DLGAP1: variants seen among roughly 807,000 people sequenced by gnomAD.
DLGAP1 encodes disks large-associated protein 1.
A neutral mutation model predicts 90.8 loss-of-function variants in DLGAP1; 11 were observed. The ratio of observed to expected loss-of-function variants is 0.12; its 90% CI spans 0.08 to 0.20. The LOEUF (loss-of-function observed/expected upper bound fraction) is 0.20, where lower values mean the gene tolerates loss of function less well. Ranked by LOEUF, DLGAP1 falls within the 10% of genes least tolerant of loss-of-function variation. The pLI, the probability that DLGAP1 is intolerant of heterozygous loss-of-function variation, is 1.00. For missense variants in DLGAP1, 1,050 were observed against 1,333.8 expected, an observed-to-expected ratio of 0.79 and a Z score of 3.31; for synonymous variants, 558 against 540.7, an observed-to-expected ratio of 1.03 and a Z score of -0.44.
chr18:4,079,818 G>C (rs1370609278), intron 2 of DLGAP1, among the ~76,000 whole-genome samples: 1 of 152,022 alleles, frequency 6.6e-6, no homozygotes, highest in African/African-American at 2.4e-5. Flanking sequence ...TCTGGTGCTT[G>C]AGTTAAGGGG....
At chr18:3,716,290 T>G (rs528532199) in intron 7 of DLGAP1, among the ~76,000 whole-genome samples, 2 of 152,254 alleles carry the variant, frequency 1.3e-5, no homozygotes, top group African/African-American at 4.8e-5. Flanking sequence ...GGCTCATTCC[T>G]GTAATCCCAG....
Position 4,084,129 on chromosome 18 carries a change from T to C in DLGAP1, c.-159+67051A>G, listed in dbSNP as rs2075650143. 6.6e-6 allele frequency among the ~76,000 whole-genome samples: 1 copy of C among 152,160 alleles called. No homozygotes were observed. Among genetic ancestry groups the C allele is most frequent in the Non-Finnish European group, 1.5e-5 (1 of 68,026 alleles). On this transcript the variant is annotated intron_variant, in intron 2 of 12. Transcript: ENST00000315677. The surrounding 1 kb of genome is among the most constrained non-coding windows in gnomAD (Gnocchi z 4.0). ...CCCAAACTCCTCAAAAAGATGGACTTGAGGTTTCCTCCCATCTCCTGTTTG... is the reference window on the plus strand; with the variant it reads ...CCCAAACTCCTCAAAAAGATGGACTCGAGGTTTCCTCCCATCTCCTGTTTG...
chr18:3,931,165 C>T (rs181226251), intron 3 of DLGAP1, among the ~76,000 whole-genome samples: 34 of 152,310 alleles, frequency 2.2e-4, no homozygotes, highest in African/African-American at 8.2e-4. Flanking sequence ...GCTGCCTGGG[C>T]TCCCTTCAGC....
intron 1 of DLGAP1, among the ~76,000 whole-genome samples, chr18:4,394,885 C>A (rs2082408414): frequency 6.6e-6 from 1 of 152,156 alleles, no homozygotes; most frequent in African/African-American, 2.4e-5. Context: ...TCAGCCTGCA[C>A]AAGTGAACAT....
chr18:4,115,063 A>T (rs1192502353), intron 2 of DLGAP1, among the ~76,000 whole-genome samples: 1 of 151,898 alleles, frequency 6.6e-6, no homozygotes, highest in Non-Finnish European at 1.5e-5. Flanking sequence ...TGTTAAGCAA[A>T]TATTTTCTAG....
intron 4 of DLGAP1, among the ~76,000 whole-genome samples, chr18:3,827,337 A>G (rs1306949662): frequency 6.6e-6 from 1 of 152,224 alleles, no homozygotes; most frequent in African/African-American, 2.4e-5. Context: ...CAAACTAGGC[A>G]GGCTTAAAAC....
intron 7 of DLGAP1, among the ~76,000 whole-genome samples, chr18:3,583,187 T>C (rs1196075588): frequency 2.4e-4 from 30 of 124,132 alleles, no homozygotes; most frequent in East Asian, 1.8e-3. Context: ...CCTACCTACC[T>C]TCCTTCCTTC....
intron 5 of DLGAP1, among the ~76,000 whole-genome samples, chr18:3,793,598 C>T (rs906152187): frequency 6.6e-6 from 1 of 152,144 alleles, no homozygotes; most frequent in Non-Finnish European, 1.5e-5. Context: ...GAGTACAACT[C>T]GAAGTGCTCC....
At chr18:3,924,726 TC>T (rs1322035203) in intron 3 of DLGAP1, among the ~76,000 whole-genome samples, 2 of 152,190 alleles carry the variant, frequency 1.3e-5, no homozygotes, top group Non-Finnish European at 2.9e-5. Context: ...AGTTACTTTT[TC>T]CAAGGAACTG....
intron 1 of DLGAP1, among the ~76,000 whole-genome samples, chr18:4,235,807 C>G (rs891147657): frequency 7.2e-6 from 1 of 138,404 alleles, no homozygotes; most frequent in East Asian, 2.5e-4. Context: ...CTCACTGCAA[C>G]CTCCGCCTCC....
chr18:3,507,937 A>C (rs1340357539), intron 11 of DLGAP1, among the ~76,000 whole-genome samples: 2 of 152,162 alleles, frequency 1.3e-5, no homozygotes, highest in Non-Finnish European at 2.9e-5. Context: ...GGGTTTTGCC[A>C]TCTTGGCCAG....
rs115743097 is a variant in DLGAP1, at chr18:3,684,493, C to T, written c.1591+44642G>A. On this transcript the variant is annotated intron_variant, in intron 7 of 12. Transcript: ENST00000315677. ...GGGATGAAAGATGTGAGCCACCACA[C>T]CTGGCCAAGATGTTTTTATTTAAGC... Among the ~76,000 whole-genome samples the T allele has an allele frequency of 7.9e-3, 1,202 of 152,032 alleles. 12 individuals are homozygous for T. Among genetic ancestry groups the T allele is most frequent in the African/African-American group, 0.028 (1,151 of 41,450 alleles).
At chr18:3,708,068 T>C (rs2061491932) in intron 7 of DLGAP1, among the ~76,000 whole-genome samples, 1 of 151,472 alleles carries the variant, frequency 6.6e-6, no homozygotes, top group African/African-American at 2.4e-5. Flanking sequence ...TGCAGTGGCG[T>C]GACCCCAGCT....
chr18:4,013,694 T>C (rs940166458), intron 2 of DLGAP1: 3 of 152,212 alleles, frequency 2.0e-5, no homozygotes, highest in Non-Finnish European at 4.4e-5. Context: ...CCCATTGCAA[T>C]AGGATGCTTC....
At chr18:4,158,406 G>A (rs532599259) in intron 1 of DLGAP1, among the ~76,000 whole-genome samples, 78 of 152,180 alleles carry the variant, frequency 5.1e-4, no homozygotes, top group Non-Finnish European at 9.7e-4. Flanking sequence ...CCTGCTTTCC[G>A]AATAAGGGAC....
chr18:3,685,954 A>C lies in DLGAP1; in HGVS notation c.1591+43181T>G, dbSNP rs546458888. ...TTTGGGAGGCCAAGGCAGGAGGATC[A>C]CCTGATGTCAGGAGTTCGAGACCAG... On this transcript the variant is annotated intron_variant, in intron 7 of 12. Coordinates refer to ENST00000315677, the MANE Select transcript of DLGAP1 (RefSeq NM_004746.4). 9.2e-4 allele frequency among the ~76,000 whole-genome samples: 140 copies of C among 152,274 alleles called. 1 individual carries two copies. The highest frequency in any genetic ancestry group is 3.3e-3 in the African/African-American group (137 of 41,582).
chr18:4,261,920 A>T (rs1043310891), intron 1 of DLGAP1, among the ~76,000 whole-genome samples: 1 of 152,184 alleles, frequency 6.6e-6, no homozygotes, highest in African/African-American at 2.4e-5. Flanking sequence ...CTTTCTAATA[A>T]CCATATTTGT....
At chr18:4,111,273 T>C (rs2075967913) in intron 2 of DLGAP1, among the ~76,000 whole-genome samples, 1 of 152,198 alleles carries the variant, frequency 6.6e-6, no homozygotes, top group Non-Finnish European at 1.5e-5. Flanking sequence ...TAGGTCAAGG[T>C]GAATAATCCT....
In DLGAP1 at chr18:3,526,748, A is replaced by G. The variant is rs2051645741; in HGVS notation, c.2479+7446T>C. Among the ~76,000 whole-genome samples, 1 of 152,208 alleles carries G rather than the reference A, an allele frequency of 6.6e-6. No individual in the cohort carries two copies. Among genetic ancestry groups the G allele is most frequent in the African/African-American group, 2.4e-5 (1 of 41,450 alleles). On this transcript the variant is annotated intron_variant, in intron 10 of 12. Coordinates refer to ENST00000315677, the MANE Select transcript of DLGAP1 (RefSeq NM_004746.4). This position sits in a 1 kb window ranked among gnomAD's most constrained non-coding sequence, Gnocchi z 4.7. Reference sequence around the variant, plus strand: ...TTCCTAGTTGGAGGCATTCAGCTCCATCTGGTCGTTTCATCCCCGGTTAGA... The same window carrying G: ...TTCCTAGTTGGAGGCATTCAGCTCCGTCTGGTCGTTTCATCCCCGGTTAGA...
Sources: allele counts gnomAD v4.1 joint callset (sites outside exome capture counted in the v4.1 genomes callset), GRCh38; gene constraint gnomAD v4.1.1; non-coding constraint Gnocchi (gnomAD v3.1); transcripts MANE v1.5; gene names NCBI Gene and HGNC (gene_info 2026-07-23, HGNC 2026-07-21).